Variants in ZDHHC14 observed in about 807,000 individuals in gnomAD.
The protein encoded by ZDHHC14 is palmitoyltransferase ZDHHC14.
A neutral mutation model predicts 47.7 loss-of-function variants in ZDHHC14; 16 were observed. The observed-to-expected ratio is 0.34, with a 90% confidence interval of 0.23 to 0.51. The LOEUF is 0.51. ZDHHC14 is among the 20% of genes least tolerant of loss of function. The probability of loss-of-function intolerance (pLI) is 0.97; values close to 1 mark genes in which losing one functional copy is unlikely to be tolerated. For synonymous variants in ZDHHC14, 293 were observed against 278.9 expected, an observed-to-expected ratio of 1.05 and a Z score of -0.50; for missense variants, 515 against 662.5, an observed-to-expected ratio of 0.78 and a Z score of 2.44.
At position 157,523,664 on chromosome 6, in the gene ZDHHC14, AGTGG is replaced by A. The variant is rs1781044491; in HGVS notation, c.246-18919_246-18916del. On this transcript the variant is annotated intron_variant, in intron 1 of 8. Coordinates refer to ENST00000359775, the MANE Select transcript of ZDHHC14 (RefSeq NM_024630.3). The stretch of plus-strand genomic sequence containing the variant: ...TATTTCCAACACTTTGGGTGGCTGA[AGTGG>A]GAGGATCACTGGAGCCCAGGAGTTC... Among the ~76,000 whole-genome samples, 5 of 151,930 alleles carry A rather than the reference AGTGG, an allele frequency of 3.3e-5. No homozygotes were observed. The South Asian group carries it at 1.0e-3, about 32-fold the overall frequency.
At chr6:157,558,823 G>T (rs1174419869) in intron 2 of ZDHHC14, among the ~76,000 whole-genome samples, 5 of 151,930 alleles carry the variant, frequency 3.3e-5, no homozygotes, top group African/African-American at 1.2e-4. Flanking sequence ...CAAAGTTCAA[G>T]TAATGTAGAT....
chr6:157,661,392 T>C (rs1778337609), intron 8 of ZDHHC14, among the ~76,000 whole-genome samples: 1 of 152,250 alleles, frequency 6.6e-6, no homozygotes, highest in African/African-American at 2.4e-5. Context: ...TCTTACATGC[T>C]GGAAGATTAT....
intron 5 of ZDHHC14, among the ~76,000 whole-genome samples, chr6:157,636,576 C>T (rs1322905827): frequency 6.6e-6 from 1 of 152,116 alleles, no homozygotes; most frequent in Admixed American, 6.5e-5. Flanking sequence ...TCCTGCTGGG[C>T]TCCTGCCTGG....
chr6:157,625,093 G>C lies in ZDHHC14; in HGVS notation c.566-3256G>C, dbSNP rs143856474. On this transcript the variant is annotated intron_variant, in intron 3 of 8. Coordinates refer to ENST00000359775, the MANE Select transcript of ZDHHC14 (RefSeq NM_024630.3). ...CCATTCATGAGAGCAGAGCCCTCAT[G>C]ACCTCATCCCCTCTTCAATGCCCCA... Among the ~76,000 whole-genome samples, 1,227 of 152,264 alleles carry C rather than the reference G, an allele frequency of 8.1e-3. 7 individuals carry two copies. The highest frequency in any genetic ancestry group is 0.012 in the Non-Finnish European group (806 of 68,010).
intron 5 of ZDHHC14, among the ~76,000 whole-genome samples, chr6:157,638,820 G>C (rs1172657058): frequency 2.0e-5 from 3 of 151,762 alleles, no homozygotes; most frequent in Non-Finnish European, 4.4e-5. Flanking sequence ...TGTCCTGCAG[G>C]GACATCAGGA....
At chr6:157,551,159 C>T (rs1243825586) in intron 2 of ZDHHC14, among the ~76,000 whole-genome samples, 1 of 152,192 alleles carries the variant, frequency 6.6e-6, no homozygotes, top group Non-Finnish European at 1.5e-5. Context: ...CCAAGGGCAT[C>T]AAGAGAGGTG....
rs144720759 is a variant in ZDHHC14 at position 157,622,847 on chromosome 6, C to T, written c.566-5502C>T. ...AGTGATCGCTCATAAACCTACTAAACGAGATTGAAGACATTTCTGCCTTTA... is the reference window on the plus strand; with the variant it reads ...AGTGATCGCTCATAAACCTACTAAATGAGATTGAAGACATTTCTGCCTTTA... On this transcript the variant is annotated intron_variant, in intron 3 of 8. Coordinates refer to ENST00000359775, the MANE Select transcript of ZDHHC14 (RefSeq NM_024630.3). Among the ~76,000 whole-genome samples the T allele has an allele frequency of 6.1e-4, 91 of 148,376 alleles. 1 individual carries two copies. Among genetic ancestry groups the T allele is most frequent in the African/African-American group, 1.9e-3 (77 of 40,610 alleles).
intron 1 of ZDHHC14, among the ~76,000 whole-genome samples, chr6:157,419,308 C>T (rs2114767636): frequency 6.6e-6 from 1 of 152,254 alleles, no homozygotes; most frequent in East Asian, 1.9e-4. Flanking sequence ...TATGTCATGC[C>T]TAATGTCATG....
intron 1 of ZDHHC14, among the ~76,000 whole-genome samples, chr6:157,388,369 A>C (rs556297740): frequency 6.6e-6 from 1 of 152,368 alleles, no homozygotes; most frequent in Admixed American, 6.5e-5. Flanking sequence ...TTAATGGGCC[A>C]TATCTGCATA....
At chr6:157,556,022 G>A (rs569284421) in intron 2 of ZDHHC14, among the ~76,000 whole-genome samples, 5 of 152,286 alleles carry the variant, frequency 3.3e-5, no homozygotes, top group African/African-American at 7.2e-5. Flanking sequence ...ATGAATGGCC[G>A]GAGGAGGCGG....
intron 1 of ZDHHC14, among the ~76,000 whole-genome samples, chr6:157,464,929 G>A (rs559671529): frequency 6.6e-6 from 1 of 152,210 alleles, no homozygotes; most frequent in East Asian, 1.9e-4. Context: ...GGGTGGTCTT[G>A]GGTAACCAGC....
chr6:157,432,177 TTGTG>T (rs1261326952), intron 1 of ZDHHC14, among the ~76,000 whole-genome samples: 4 of 152,096 alleles, frequency 2.6e-5, no homozygotes, highest in African/African-American at 9.7e-5. Flanking sequence ...GTGGTGAAAT[TTGTG>T]TGAGGTGCCG....
intron 1 of ZDHHC14, among the ~76,000 whole-genome samples, chr6:157,514,132 T>C (rs1324243254): frequency 6.6e-6 from 1 of 152,100 alleles, no homozygotes; most frequent in Admixed American, 6.6e-5. Flanking sequence ...GCATGAAAAA[T>C]GTAGGTTCAG....
At chr6:157,661,855 G>T (rs7741810) in intron 8 of ZDHHC14, among the ~76,000 whole-genome samples, 49,178 of 152,006 alleles carry the variant, frequency 0.32, 8,318 homozygotes, top group East Asian at 0.55. Context: ...ACGGAGTCTC[G>T]CTGTGTCGCC....
At chr6:157,390,243 G>T (rs1777395670) in intron 1 of ZDHHC14, among the ~76,000 whole-genome samples, 6 of 152,108 alleles carry the variant, frequency 3.9e-5, no homozygotes, top group African/African-American at 1.4e-4. Flanking sequence ...CTGATCTGTT[G>T]TTTCTGATGA....
chr6:157,589,714 T>C (rs1483878622), intron 2 of ZDHHC14, among the ~76,000 whole-genome samples: 1 of 152,172 alleles, frequency 6.6e-6, no homozygotes, highest in Non-Finnish European at 1.5e-5. Flanking sequence ...GTCTCAGATA[T>C]GTCCTTATAG....
At chr6:157,415,410 A>C (rs961686021) in intron 1 of ZDHHC14, among the ~76,000 whole-genome samples, 3 of 152,236 alleles carry the variant, frequency 2.0e-5, no homozygotes, top group Non-Finnish European at 2.9e-5. Flanking sequence ...GAATGAACAG[A>C]GCTCTCCAAA....
intron 1 of ZDHHC14, among the ~76,000 whole-genome samples, chr6:157,501,221 T>G (rs1780185680): frequency 6.6e-6 from 1 of 152,258 alleles, no homozygotes. Context: ...TGTCATTATT[T>G]TTTCCTTCCT....
At chr6:157,650,379 G>T (rs888711370) in intron 7 of ZDHHC14, among the ~76,000 whole-genome samples, 1 of 152,102 alleles carries the variant, frequency 6.6e-6, no homozygotes. Context: ...AGGGAGCTGG[G>T]CCGAGAACCA....
Sources: allele counts gnomAD v4.1 joint callset (sites outside exome capture counted in the v4.1 genomes callset), GRCh38; gene constraint gnomAD v4.1.1; transcripts MANE v1.5; gene names NCBI Gene and HGNC (gene_info 2026-07-23, HGNC 2026-07-21).